TJP1: variants seen among roughly 807,000 people sequenced by gnomAD.
TJP1 encodes the protein tight junction protein 1.
A neutral mutation model predicts 194.2 loss-of-function variants in TJP1; 43 were observed. That is an observed-to-expected ratio of 0.22 (90% confidence interval 0.17 to 0.29). The LOEUF (loss-of-function observed/expected upper bound fraction) is 0.29, where lower values mean the gene tolerates loss of function less well. Among genes scored for constraint, TJP1 ranks in the 10% least tolerant of loss-of-function variants. TJP1 has a pLI of 1.00. For synonymous variants in TJP1, 801 were observed against 779.0 expected, an observed-to-expected ratio of 1.03 and a Z score of -0.47; for missense variants, 1,971 against 2,185.7, an observed-to-expected ratio of 0.90 and a Z score of 1.96.
At chr15:29,806,431 T>C (rs561467758) in intron 1 of TJP1, among the ~76,000 whole-genome samples, 1 of 152,278 alleles carries the variant, frequency 6.6e-6, no homozygotes, top group African/African-American at 2.4e-5. Context: ...TAATAAAATT[T>C]CCACAAATCT....
intron 1 of TJP1, among the ~76,000 whole-genome samples, chr15:29,807,618 CA>C (rs1477563171): frequency 6.6e-6 from 1 of 151,320 alleles, no homozygotes; most frequent in South Asian, 2.1e-4. Context: ...CTTCACAGAT[CA>C]AAAAATTAAA....
At chr15:29,715,022 C>G in intron 23 of TJP1, among the ~76,000 whole-genome samples, 1 of 152,222 alleles carries the variant, frequency 6.6e-6, no homozygotes, top group East Asian at 1.9e-4. Flanking sequence ...TCCTATGGCT[C>G]AGTGCCTAGC....
chr15:29,912,563 C>T (rs764625326), intron 2 of TJP1, among the ~76,000 whole-genome samples: 6 of 151,576 alleles, frequency 4.0e-5, no homozygotes, highest in Non-Finnish European at 7.4e-5. Flanking sequence ...AAAAAGTAGC[C>T]GATGTGGTAG....
intron 2 of TJP1, among the ~76,000 whole-genome samples, chr15:29,789,020 T>C (rs912628910): frequency 1.3e-5 from 2 of 152,206 alleles, no homozygotes; most frequent in Non-Finnish European, 2.9e-5. Context: ...GTGAACAATT[T>C]TGTAAGATCA....
chr15:29,787,378 T>C (rs144271039), intron 2 of TJP1, among the ~76,000 whole-genome samples: 77 of 152,326 alleles, frequency 5.1e-4, no homozygotes, highest in African/African-American at 1.7e-3. Flanking sequence ...CTTCATGACC[T>C]GAGTTAGGCA....
At position 29,770,373 on chromosome 15, in the gene TJP1, C is replaced by T. The variant is rs8025030; in HGVS notation, c.312+1691G>A. On this transcript the variant is annotated intron_variant, in intron 4 of 27. Transcript: ENST00000614355. ...ACCTGGACCAGGGAGGCGGAGGTTG[C>T]GGTGAGCCAAGATCACGCTACTGCA... is the stretch of plus-strand genomic sequence containing the variant. Among the ~76,000 whole-genome samples, 919 of 152,018 alleles carry T rather than the reference C, an allele frequency of 6.0e-3. 8 individuals are homozygous for T. The highest frequency in any genetic ancestry group is 0.021 in the African/African-American group (868 of 41,436).
intron 2 of TJP1, among the ~76,000 whole-genome samples, chr15:29,900,704 C>T (rs1429249506): frequency 6.6e-6 from 1 of 152,224 alleles, no homozygotes; most frequent in Non-Finnish European, 1.5e-5. Flanking sequence ...CATGAAGGCA[C>T]AGCCCAGTGT....
intron 2 of TJP1, among the ~76,000 whole-genome samples, chr15:29,871,573 T>G (rs908021437): frequency 6.6e-6 from 1 of 152,242 alleles, no homozygotes; most frequent in African/African-American, 2.4e-5. Context: ...TGGAGAGGCC[T>G]TCCTATGAGG....
chr15:29,904,296 C>T (rs1286048875), intron 2 of TJP1, among the ~76,000 whole-genome samples: 1 of 152,132 alleles, frequency 6.6e-6, no homozygotes, highest in Non-Finnish European at 1.5e-5. Context: ...AAACCAGGTA[C>T]TGGCTACTGC....
downstream of TJP1, chr15:29,699,664 T>C (rs1357059101): frequency 1.3e-5 from 2 of 152,232 alleles, no homozygotes; most frequent in Non-Finnish European, 2.9e-5. Context: ...TGAAACACTA[T>C]AGCAATAATC....
At chr15:29,743,998 G>A (rs1005622413) in intron 8 of TJP1, among the ~76,000 whole-genome samples, 4 of 152,116 alleles carry the variant, frequency 2.6e-5, no homozygotes, top group African/African-American at 9.7e-5. Context: ...GGCCAGTAAG[G>A]TGAAACCCTG....
chr15:29,883,949 T>C (rs2053027228), intron 2 of TJP1, among the ~76,000 whole-genome samples: 1 of 152,192 alleles, frequency 6.6e-6, no homozygotes, highest in Non-Finnish European at 1.5e-5. Context: ...ATGCTATTAA[T>C]AAACAAAATG....
chr15:29,862,556 G>A (rs533082577), intron 2 of TJP1, among the ~76,000 whole-genome samples: 47 of 152,098 alleles, frequency 3.1e-4, no homozygotes, highest in Non-Finnish European at 6.3e-4. Flanking sequence ...AAAGGAAAGC[G>A]GAGTGATGGG....
chr15:29,840,125 T>C lies in TJP1; in HGVS notation c.307-39423A>G, dbSNP rs374754843. Among the ~76,000 whole-genome samples the C allele has an allele frequency of 1.5e-3, 232 of 152,344 alleles. 1 individual carries two copies. In the South Asian group the frequency reaches 0.02, roughly 13 times the overall value. On this transcript the variant is annotated intron_variant, in intron 2 of 28. Coordinates refer to the TJP1 transcript ENST00000356107. The stretch of plus-strand genomic sequence containing the variant: ...ACTATTGAGTTTTGAGAGGTCTTTA[T>C]ATATTTATGTGCAAGGACTTTGTTG...
chr15:29,923,683 ATACTC>A (rs1475016111), intron 2 of TJP1, among the ~76,000 whole-genome samples: 2 of 152,208 alleles, frequency 1.3e-5, no homozygotes, highest in Non-Finnish European at 2.9e-5. Flanking sequence ...GGTAATGAAA[ATACTC>A]TAAACATGAC....
intron 1 of TJP1, among the ~76,000 whole-genome samples, chr15:29,960,892 A>T (rs979679308): frequency 1.3e-5 from 2 of 152,314 alleles, no homozygotes; most frequent in African/African-American, 2.4e-5. Flanking sequence ...AAAAGAAAAA[A>T]CACTGATCTA....
chr15:29,884,347 A>C (rs2152139916), intron 2 of TJP1, among the ~76,000 whole-genome samples: 1 of 152,248 alleles, frequency 6.6e-6, no homozygotes, highest in East Asian at 1.9e-4. Context: ...TGTCAGCCCC[A>C]CACCAGGCCC....
chr15:29,950,025 C>T (rs1231304864), intron 2 of TJP1, among the ~76,000 whole-genome samples: 9 of 85,688 alleles, frequency 1.1e-4, no homozygotes, highest in Non-Finnish European at 1.4e-4. Flanking sequence ...ACCTCCACCT[C>T]CACCTTCACC....
chr15:29,720,091 T>C (rs964762570), intron 19 of TJP1, 75 bp from the exon 20 acceptor site: 2 of 1,504,536 alleles, frequency 1.3e-6, no homozygotes, highest in Non-Finnish European at 1.8e-6. Flanking sequence ...TTATAGTGAT[T>C]GGTAGACATA....
Sources: allele counts gnomAD v4.1 joint callset (sites outside exome capture counted in the v4.1 genomes callset), GRCh38; gene constraint gnomAD v4.1.1; transcripts MANE v1.5; gene names NCBI Gene and HGNC (gene_info 2026-07-23, HGNC 2026-07-21).